ZMAT4: variants seen among roughly 807,000 people sequenced by gnomAD.
ZMAT4 encodes the protein zinc finger matrin-type 4, also known as zinc finger matrin-type protein 4.
ZMAT4 carries 17 observed loss-of-function variants against 28.7 expected under a neutral mutation model. The observed-to-expected ratio is 0.59, with a 90% confidence interval of 0.41 to 0.89. The LOEUF is 0.89. Among genes scored for constraint, ZMAT4 ranks in the 40% least tolerant of loss-of-function variants. The pLI is 0.00. For synonymous variants in ZMAT4, 117 were observed against 109.2 expected, an observed-to-expected ratio of 1.07 and a Z score of -0.44; for missense variants, 240 against 283.8, an observed-to-expected ratio of 0.85 and a Z score of 1.11.
At chr8:40,715,368 A>G (rs9643879) in intron 3 of ZMAT4, among the ~76,000 whole-genome samples, 91,489 of 151,926 alleles carry the variant, frequency 0.6, 28,176 homozygotes, top group African/African-American at 0.73. Context: ...CAAAGCCATA[A>G]AGAGGCAACA....
chr8:40,620,793 C>G (rs1806169969), intron 5 of ZMAT4, among the ~76,000 whole-genome samples: 1 of 152,160 alleles, frequency 6.6e-6, no homozygotes, highest in Non-Finnish European at 1.5e-5. Context: ...TGAGAACTGG[C>G]TCAAAAATGT....
chr8:40,698,606 G>A (rs2150495793), intron 3 of ZMAT4, among the ~76,000 whole-genome samples: 1 of 152,332 alleles, frequency 6.6e-6, no homozygotes, highest in Admixed American at 6.5e-5. Flanking sequence ...GTGGCAACTG[G>A]TTGGAGGAAG....
chr8:40,844,336 G>C (rs1341701359), intron 1 of ZMAT4, among the ~76,000 whole-genome samples: 1 of 152,172 alleles, frequency 6.6e-6, no homozygotes, highest in Admixed American at 6.5e-5. Context: ...CCACCAATGA[G>C]GATGGGCATC....
intron 6 of ZMAT4, among the ~76,000 whole-genome samples, chr8:40,535,454 A>C (rs1244492715): frequency 6.6e-6 from 1 of 152,132 alleles, no homozygotes; most frequent in Non-Finnish European, 1.5e-5. Context: ...GCGGATCATG[A>C]GGTCAAGAGA....
intron 5 of ZMAT4, among the ~76,000 whole-genome samples, chr8:40,661,450 AG>A (rs1387063414): frequency 6.6e-6 from 1 of 152,216 alleles, no homozygotes; most frequent in African/African-American, 2.4e-5. Flanking sequence ...ATACGTCAAT[AG>A]GTATGTTCTA....
intron 3 of ZMAT4, among the ~76,000 whole-genome samples, chr8:40,734,309 A>G (rs4526345): frequency 6.6e-6 from 1 of 152,004 alleles, no homozygotes; most frequent in Non-Finnish European, 1.5e-5. Flanking sequence ...CTGGCACATT[A>G]TTAAATGGCA....
At chr8:40,835,275 G>A (rs1816434941) in intron 1 of ZMAT4, among the ~76,000 whole-genome samples, 2 of 152,210 alleles carry the variant, frequency 1.3e-5, no homozygotes, top group South Asian at 4.1e-4. Context: ...GCAGGGAGAG[G>A]AGGAGAAAAT....
chr8:40,805,150 A>G (rs1815025667), intron 2 of ZMAT4, among the ~76,000 whole-genome samples: 1 of 152,172 alleles, frequency 6.6e-6, no homozygotes, highest in African/African-American at 2.4e-5. Context: ...ACATGACTCA[A>G]AAGAAGACAT....
intron 6 of ZMAT4, 87 bp from the exon 7 acceptor site, chr8:40,532,325 T>C: frequency 1.8e-6 from 2 of 1,100,066 alleles, no homozygotes; most frequent in South Asian, 3.6e-5. Flanking sequence ...CCTGTCTCTC[T>C]TCTACTTCTC....
intron 1 of ZMAT4, among the ~76,000 whole-genome samples, chr8:40,890,819 G>T (rs2150671028): frequency 6.6e-6 from 1 of 151,914 alleles, no homozygotes; most frequent in East Asian, 2.0e-4. Context: ...TGCCAATCAT[G>T]CGCTGGATGG....
intron 1 of ZMAT4, among the ~76,000 whole-genome samples, chr8:40,845,437 A>G (rs1004876045): frequency 6.6e-6 from 1 of 152,206 alleles, no homozygotes; most frequent in Non-Finnish European, 1.5e-5. Flanking sequence ...CGCTGCCCTC[A>G]GATTCTGGTC....
chr8:40,613,180 C>CTTTCTTTTTTT (rs71224837), intron 5 of ZMAT4, among the ~76,000 whole-genome samples: 40 of 79,976 alleles, frequency 5.0e-4, no homozygotes, highest in East Asian at 1.0e-3. Flanking sequence ...TACTTTCTTT[C>CTTTCTTTTTTT]TTTTTTTTTT....
chr8:40,663,392 TC>T (rs1321275570), intron 5 of ZMAT4, among the ~76,000 whole-genome samples: 1 of 152,116 alleles, frequency 6.6e-6, no homozygotes, highest in African/African-American at 2.4e-5. Context: ...TATTATCTTC[TC>T]CCCCTCCCTT....
chr8:40,764,202 T>C (rs1238490470), intron 3 of ZMAT4, among the ~76,000 whole-genome samples: 1 of 152,146 alleles, frequency 6.6e-6, no homozygotes, highest in Non-Finnish European at 1.5e-5. Flanking sequence ...CAATTGACCA[T>C]AACAATTTAT....
intron 1 of ZMAT4, among the ~76,000 whole-genome samples, chr8:40,833,399 C>G (rs1011594509): frequency 6.6e-6 from 1 of 151,982 alleles, no homozygotes; most frequent in Non-Finnish European, 1.5e-5. Flanking sequence ...GAAACCCCAT[C>G]TCTATTAAAA....
At chr8:40,769,744 TGGCAAAACTGGAAATCTCATCATGC>T (rs1368198345) in intron 2 of ZMAT4, among the ~76,000 whole-genome samples, 2 of 151,994 alleles carry the variant, frequency 1.3e-5, no homozygotes, top group Non-Finnish European at 2.9e-5. Context: ...AATGAAATTA[TGGCAAAACTGGAAATCTCATCATGC>T]GGCCTGGTTT....
At chr8:40,762,065 A>G (rs184488191) in intron 3 of ZMAT4, among the ~76,000 whole-genome samples, 27 of 152,274 alleles carry the variant, frequency 1.8e-4, no homozygotes, top group Non-Finnish European at 3.8e-4. Context: ...TGTCTTTGAG[A>G]ACTGACCACG....
At chr8:40,776,654 G>A (rs1586033948) in intron 2 of ZMAT4, among the ~76,000 whole-genome samples, 1 of 152,222 alleles carries the variant, frequency 6.6e-6, no homozygotes, top group Non-Finnish European at 1.5e-5. Context: ...AGCCCTTGAA[G>A]AGAAGTTAAA....
chr8:40,759,705 C>A (rs1426087816), intron 3 of ZMAT4, among the ~76,000 whole-genome samples: 1 of 152,158 alleles, frequency 6.6e-6, no homozygotes, highest in Non-Finnish European at 1.5e-5. Flanking sequence ...CGCGCCCCAC[C>A]CACATGACAA....
Sources: allele counts gnomAD v4.1 joint callset (sites outside exome capture counted in the v4.1 genomes callset), GRCh38; gene constraint gnomAD v4.1.1; transcripts MANE v1.5; gene names NCBI Gene and HGNC (gene_info 2026-07-23, HGNC 2026-07-21).